The following RFNG variants were observed in gnomAD, a reference collection of about 807,000 sequenced individuals.
The protein encoded by RFNG is RFNG O-fucosylpeptide 3-beta-N-acetylglucosaminyltransferase.
In RFNG, 37 loss-of-function variants were observed where a neutral mutation model predicts 29.6. That is an observed-to-expected ratio of 1.25 (90% CI 0.96 to 1.65). The LOEUF is 1.65. Ranked by LOEUF, RFNG falls within the 40% of genes most tolerant of loss-of-function variation. The probability of loss-of-function intolerance (pLI) is 0.00; values close to 1 mark genes in which losing one functional copy is unlikely to be tolerated. For missense variants in RFNG, 546 were observed against 457.0 expected (o/e 1.19, Z -1.78); for synonymous variants, 276 against 197.3 (o/e 1.40, Z -3.34).
intron 7 of RFNG, 100 bp from the exon 8 acceptor site, chr17:82,048,907 C>T (rs146534665): frequency 1.4e-6 from 2 of 1,394,940 alleles, no homozygotes; most frequent in Non-Finnish European, 2.0e-6. Flanking sequence ...GCCGTGGGTA[C>T]AGGGAGAAGC....
rs1037254299 is a variant in RFNG, at chr17:82,048,512, C to T, written c.*214G>A. The T allele has an allele frequency of 4.8e-5, 28 of 579,764 alleles. No individual in the cohort carries two copies. The highest frequency in any genetic ancestry group is 4.5e-4 in the African/African-American group (24 of 53,440). 35.9% of individuals were successfully genotyped at this position (579,764 alleles called of 1,614,324 possible). A position where few individuals can be genotyped will look rare whatever the true frequency, so the allele number is the denominator to read the frequency against. On this transcript the variant is annotated 3_prime_UTR_variant, in exon 8 of 8. Transcript: ENST00000310496. Reference sequence around the variant, plus strand: ...GGAGGGGCACTGCGGCCCTGGCCATCAGCCTGGCTGTCTTCGTTCTCCCAA... The same window carrying T: ...GGAGGGGCACTGCGGCCCTGGCCATTAGCCTGGCTGTCTTCGTTCTCCCAA...
intron 3 of RFNG, 24 bp downstream of exon 3, chr17:82,050,638 G>A (rs1242321268): frequency 6.2e-7 from 1 of 1,611,700 alleles, no homozygotes; most frequent in Non-Finnish European, 8.5e-7. Context: ...TGAGCTCTCT[G>A]CGGGTCGGGT....
Position 82,049,857 on chromosome 17 carries a change from G to A in RFNG, c.663-15C>T. On this transcript the variant is annotated splice_polypyrimidine_tract_variant and intron_variant, in intron 5 of 7. Coordinates refer to ENST00000310496, the MANE Select transcript of RFNG (RefSeq NM_002917.2). The stretch of plus-strand genomic sequence containing the variant: ...AGCTGCCCAGGCTGGGGGGAGGCCG[G>A]TCAGCACCTTTCAGGTCTCAGCCTC... 6.2e-7 allele frequency: 1 copy of A among 1,610,224 alleles called. No homozygotes were observed. Among genetic ancestry groups the A allele is most frequent in the Non-Finnish European group, 8.5e-7 (1 of 1,178,502 alleles).
rs1223165992 is a variant in RFNG, at chr17:82,051,433, G to A, written c.267+67C>T. The A allele has an allele frequency of 5.1e-6, 7 of 1,364,484 alleles. No individual in the cohort carries two copies. Among genetic ancestry groups the A allele is most frequent in the East Asian group, 3.1e-5 (1 of 32,576 alleles). 84.5% of individuals were successfully genotyped at this position (1,364,484 alleles called of 1,614,324 possible). A position where few individuals can be genotyped will look rare whatever the true frequency, so the allele number is the denominator to read the frequency against. ...GCGGAGCCTCCGGGGGCCTGGGCCGGGCCTAGACCCTGGGAGGCGGGGCGG... is the reference window on the plus strand; with the variant it reads ...GCGGAGCCTCCGGGGGCCTGGGCCGAGCCTAGACCCTGGGAGGCGGGGCGG... On this transcript the variant is annotated intron_variant, in intron 1 of 7. Transcript: ENST00000310496. The surrounding 1 kb of genome is among the most constrained non-coding windows in gnomAD (Gnocchi z 4.1).
chr17:82,051,572 C>T lies in RFNG; in HGVS notation c.195G>A (p.Lys65=). The T allele has an allele frequency of 2.2e-6, 3 of 1,372,366 alleles. No homozygotes were observed. Among genetic ancestry groups the T allele is most frequent in the Non-Finnish European group, 2.8e-6 (3 of 1,059,086 alleles). 85.0% of individuals were successfully genotyped at this position (1,372,366 alleles called of 1,614,324 possible). ...GCGGCCCGTGGTTCTTCCGGGTGGT[C>T]TTGACGGCGATGAAGACGTCGTCAG... ...LRPDDVFIAV[K]TTRKNHGPRL... The change falls in exon 1 of 8, where the codon AAG becomes AAA. Residue 65 remains lysine (K), a synonymous_variant. Transcript: ENST00000310496. This position sits in a 1 kb window ranked among gnomAD's most constrained non-coding sequence, Gnocchi z 4.1.
chr17:82,049,565 C>A (rs954422957), intron 6 of RFNG, 112 bp downstream of exon 6: 1 of 1,311,312 alleles, frequency 7.6e-7, no homozygotes, highest in East Asian at 2.5e-5. Flanking sequence ...CAGCCACATG[C>A]AAATCCCACC....
Position 82,048,907 on chromosome 17 carries a change from C to G in RFNG, c.915-100G>C, listed in dbSNP as rs146534665. 2,056 of 1,394,988 alleles carry G rather than the reference C, an allele frequency of 1.5e-3. 20 individuals carry two copies. In the African/African-American group the frequency reaches 0.03, roughly 20 times the overall value. 86.4% of individuals were successfully genotyped at this position (1,394,988 alleles called of 1,614,324 possible). A position where few individuals can be genotyped will look rare whatever the true frequency, so the allele number is the denominator to read the frequency against. On this transcript the variant is annotated intron_variant, in intron 7 of 7. Transcript: ENST00000310496. ...GAACCTGGGGTCAGGGCCGTGGGTA[C>G]AGGGAGAAGCCGGGGTCAGGGCCGT...
rs1272074731 is a variant in RFNG, at chr17:82,051,456, C to G, written c.267+44G>C. ...CGGGCCTAGACCCTGGGAGGCGGGG[C>G]GGGTGGGCGTGGGGCTCGCCGTCGG... is the stretch of plus-strand genomic sequence containing the variant. On this transcript the variant is annotated intron_variant, in intron 1 of 7. Coordinates refer to ENST00000310496, the MANE Select transcript of RFNG (RefSeq NM_002917.2). This position sits in a 1 kb window ranked among gnomAD's most constrained non-coding sequence, Gnocchi z 4.1. 4 of 1,327,982 alleles carry G rather than the reference C, an allele frequency of 3.0e-6. No individual in the cohort carries two copies. The African/African-American group carries it at 4.6e-5, about 15-fold the overall frequency. 82.3% of individuals were successfully genotyped at this position (1,327,982 alleles called of 1,614,324 possible). A position where few individuals can be genotyped will look rare whatever the true frequency, so the allele number is the denominator to read the frequency against.
intron 4 of RFNG, 72 bp from the exon 5 acceptor site, chr17:82,050,078 A>G: frequency 1.5e-6 from 2 of 1,327,822 alleles, no homozygotes; most frequent in South Asian, 1.2e-5. Flanking sequence ...GGGACTCCCC[A>G]GGCATCTTTC....
At chr17:82,049,232 G>A (rs776548580) in intron 6 of RFNG, 116 bp from the exon 7 acceptor site, 17 of 819,514 alleles carry the variant, frequency 2.1e-5, no homozygotes, top group African/African-American at 5.1e-5. Context: ...CCAGGCCCTC[G>A]GGGAGGCCAG....
Position 82,051,511 on chromosome 17 carries a change from C to G in RFNG, c.256G>C (p.Ala86Pro). 7.2e-7 allele frequency: 1 copy of G among 1,390,010 alleles called. No individual in the cohort carries two copies. The highest frequency in any genetic ancestry group is 9.4e-7 in the Non-Finnish European group (1 of 1,068,256). The allele number at this position is 1,390,010 out of a possible 1,614,324, so 86.1% of individuals were successfully genotyped here. The stretch of plus-strand genomic sequence containing the variant: ...GGGGTCCGGCGCACCTGCTGGCGGG[C>G]CCGGGAGATCCAGGTGCGCAGCAGC... ...RLLLRTWISR[A>P]RQQTFIFTDG... The change falls in exon 1 of 8, where the codon GCC (alanine) becomes CCC (proline). Residue 86 changes from alanine (A) to proline (P), a missense_variant. Physicochemically the swap from Ala to Pro is conservative, Grantham distance 27 (BLOSUM62 -1). Transcript: ENST00000310496. The surrounding 1 kb of genome is among the most constrained non-coding windows in gnomAD (Gnocchi z 4.1).
At chr17:82,048,915 A>G in intron 7 of RFNG, 108 bp from the exon 8 acceptor site, 1 of 1,423,384 alleles carries the variant, frequency 7.0e-7, no homozygotes. Flanking sequence ...TACAGGGAGA[A>G]GCCGGGGTCA....
intron 4 of RFNG, 111 bp from the exon 5 acceptor site, chr17:82,050,117 A>G: frequency 2.0e-6 from 2 of 983,776 alleles, no homozygotes; most frequent in African/African-American, 1.6e-5. Context: ...GATCCCACCC[A>G]GGTAACAGAA....
At chr17:82,049,577 G>A (rs1487136359) in intron 6 of RFNG, 100 bp downstream of exon 6, 1 of 1,368,332 alleles carries the variant, frequency 7.3e-7, no homozygotes, top group Non-Finnish European at 1.0e-6. Context: ...AATCCCACCT[G>A]CCTGCTCAGC....
Position 82,048,631 on chromosome 17 carries a change from C to A in RFNG, c.*95G>T, listed in dbSNP as rs2030068250. The A allele has an allele frequency of 2.3e-5, 23 of 980,112 alleles. No homozygotes were observed. The Admixed American group carries it at 4.1e-4, about 18-fold the overall frequency. 60.7% of individuals were successfully genotyped at this position (980,112 alleles called of 1,614,324 possible). ...AGGTGCCTGCATCTCACTGGTGTGG[C>A]CGTGGCACCTGAGGGAGCCCACTGA... On this transcript the variant is annotated 3_prime_UTR_variant, in exon 8 of 8. Transcript: ENST00000310496.
intron 7 of RFNG, 94 bp downstream of exon 7, chr17:82,048,937 G>A (rs1382374440): frequency 8.3e-6 from 12 of 1,449,194 alleles, no homozygotes; most frequent in African/African-American, 4.2e-5. Flanking sequence ...GGCCGTGGGC[G>A]GAGGGAGCAG....
intron 6 of RFNG, 31 bp from the exon 7 acceptor site, chr17:82,049,147 G>A (rs370144788): frequency 2.3e-5 from 36 of 1,575,500 alleles, no homozygotes; most frequent in Non-Finnish European, 2.9e-5. Flanking sequence ...CAGAGTGTGT[G>A]GCCTGGTCTG....
rs117280678 is a variant in RFNG, at chr17:82,049,476, C to G, written c.828+201G>C. 4.2e-3 allele frequency: 3,112 copies of G among 734,886 alleles called. 57 individuals carry two copies. Among genetic ancestry groups the G allele is most frequent in the Admixed American group, 0.039 (1,970 of 49,974 alleles). 45.5% of individuals were successfully genotyped at this position (734,886 alleles called of 1,614,324 possible). ...GAACTGTGCTTCTCCCCTCGTTCCT[C>G]TGCCCCAGACACCATACCCCATCTG... On this transcript the variant is annotated intron_variant, in intron 6 of 7. Coordinates refer to ENST00000310496, the MANE Select transcript of RFNG (RefSeq NM_002917.2).
chr17:82,049,847 G>C lies in RFNG; in HGVS notation c.663-5C>G, dbSNP rs760142109. 3 of 1,604,684 alleles carry C rather than the reference G, an allele frequency of 1.9e-6. No homozygotes were observed. Among genetic ancestry groups the C allele is most frequent in the Non-Finnish European group, 2.6e-6 (3 of 1,175,638 alleles). ...GTGCTCATGAAGCTGCCCAGGCTGG[G>C]GGGAGGCCGGTCAGCACCTTTCAGG... On this transcript the variant is annotated splice_region_variant and splice_polypyrimidine_tract_variant and intron_variant, in intron 5 of 7. Transcript: ENST00000310496.
Sources: gnomAD v4.1 joint callset for allele counts on GRCh38, gnomAD v4.1.1 for gene constraint, Gnocchi (gnomAD v3.1) non-coding constraint, MANE v1.5 for transcripts, NCBI Gene and HGNC (gene_info 2026-07-23, HGNC 2026-07-21) for gene names.